The following STK31 variants were observed in gnomAD, a reference collection of about 807,000 sequenced individuals.
The protein encoded by STK31 is serine/threonine kinase 31, also known as serine/threonine-protein kinase 31.
In STK31, 89 loss-of-function variants were observed where a neutral mutation model predicts 129.7. That is an observed-to-expected ratio of 0.69 (90% CI 0.58 to 0.82). The LOEUF is 0.82. Among genes scored for constraint, STK31 ranks in the 40% least tolerant of loss-of-function variants. The pLI is 0.00. For missense variants in STK31, 1,187 were observed against 1,176.4 expected (o/e 1.01, Z -0.13); for synonymous variants, 448 against 395.3 (o/e 1.13, Z -1.58).
chr7:23,786,556 G>T lies in STK31; in HGVS notation c.2323G>T (p.Ala775Ser). ...DTEAKVIERAATYHRAWREAE... is the reference protein window; with the variant it reads ...DTEAKVIERASTYHRAWREAE... Reference sequence around the variant, plus strand: ...AGAAGCCAAGGTGATTGAGAGAGCAGCCACCTACCATAGAGCTTGGAGAGA... The same window carrying T: ...AGAAGCCAAGGTGATTGAGAGAGCATCCACCTACCATAGAGCTTGGAGAGA... The change falls in exon 19 of 24, where the codon GCC (alanine) becomes TCC (serine). Residue 775 changes from alanine to serine, a missense_variant. By Grantham distance (99) the Ala-to-Ser change is moderately conservative (BLOSUM62 1). Coordinates refer to ENST00000355870, the MANE Select transcript of STK31 (RefSeq NM_031414.5). 1.2e-6 allele frequency: 2 copies of T among 1,613,784 alleles called. No individual in the cohort carries two copies. The highest frequency in any genetic ancestry group is 1.7e-6 in the Non-Finnish European group (2 of 1,179,816).
At chr7:23,831,013 A>G (rs113833068) in intron 23 of STK31, among the ~76,000 whole-genome samples, 1 of 152,170 alleles carries the variant, frequency 6.6e-6, no homozygotes, top group Non-Finnish European at 1.5e-5. Context: ...TTTTAATTTT[A>G]AAACATTTTT....
At chr7:23,753,153 A>G (rs1156641356) in intron 9 of STK31, among the ~76,000 whole-genome samples, 2 of 152,214 alleles carry the variant, frequency 1.3e-5, no homozygotes, top group African/African-American at 4.8e-5. Context: ...TTTCAGGAGT[A>G]CAGCATGTCC....
At chr7:23,814,280 A>G (rs1452577601) in intron 22 of STK31, among the ~76,000 whole-genome samples, 1 of 148,076 alleles carries the variant, frequency 6.8e-6, no homozygotes, top group Non-Finnish European at 1.5e-5. Flanking sequence ...GTTATATTTT[A>G]TGGTATTTTC....
At chr7:23,762,526 T>C (rs3801898) in intron 10 of STK31, among the ~76,000 whole-genome samples, 16,198 of 152,164 alleles carry the variant, frequency 0.11, 1,074 homozygotes, top group East Asian at 0.22. Flanking sequence ...TAGGAACTTA[T>C]ATAATTTTCT....
chr7:23,809,741 C>T (rs561931394), intron 22 of STK31, among the ~76,000 whole-genome samples: 3 of 152,258 alleles, frequency 2.0e-5, no homozygotes, highest in Admixed American at 6.5e-5. Flanking sequence ...CTATCTTTGC[C>T]TCCTATTTCA....
chr7:23,721,697 C>G, intron 4 of STK31: 1 of 795,484 alleles, frequency 1.3e-6, no homozygotes. Flanking sequence ...ATCTGGTTTA[C>G]CATTATCATT....
chr7:23,806,901 G>GA (rs34751124), intron 22 of STK31, among the ~76,000 whole-genome samples: 12,596 of 75,882 alleles, frequency 0.17, 1,020 homozygotes, highest in Non-Finnish European at 0.22. Flanking sequence ...CTCCGTCTCA[G>GA]AAAAAAAAAA....
rs151177741 is a variant in STK31, at chr7:23,735,252, T to C, written c.484-286T>C. ...GTTGGGGCCAAAGTAATCAATGTAA[T>C]CTGCTGGGTTAAAAAAAACTATTCT... On this transcript the variant is annotated intron_variant, in intron 6 of 23. Transcript: ENST00000355870. Among the ~76,000 whole-genome samples, 1,118 of 152,318 alleles carry C rather than the reference T, an allele frequency of 7.3e-3. 2 individuals carry two copies. Among genetic ancestry groups the C allele is most frequent in the South Asian group, 0.013 (63 of 4,820 alleles).
chr7:23,760,436 C>T (rs374131969), intron 10 of STK31, among the ~76,000 whole-genome samples: 6 of 152,186 alleles, frequency 3.9e-5, no homozygotes, highest in Non-Finnish European at 7.4e-5. Context: ...GGTTATTTTA[C>T]GTATTAGATT....
intron 10 of STK31, among the ~76,000 whole-genome samples, chr7:23,756,363 C>T (rs1312762519): frequency 6.6e-6 from 1 of 152,174 alleles, no homozygotes; most frequent in South Asian, 2.1e-4. Flanking sequence ...TGAGACTTTG[C>T]TGCAGTTGCC....
Position 23,729,090 on chromosome 7 carries a change from G to GT in STK31, c.325dup (p.Cys109LeufsTer7). On this transcript the variant is annotated frameshift_variant and splice_region_variant. Coordinates refer to ENST00000355870, the MANE Select transcript of STK31 (RefSeq NM_031414.5). LOFTEE classifies it high-confidence loss of function. ...TCGTATTTGTCTCTTATTTTTTCCA[G>GT]TGTCTGGTGAGGTACATTGACTATG... 1 of 1,584,210 alleles carries GT rather than the reference G, an allele frequency of 6.3e-7. No homozygotes were observed. The highest frequency in any genetic ancestry group is 1.2e-5 in the South Asian group (1 of 85,438).
intron 4 of STK31, among the ~76,000 whole-genome samples, chr7:23,723,393 C>T (rs534142830): frequency 6.6e-6 from 1 of 152,064 alleles, no homozygotes; most frequent in South Asian, 2.1e-4. Context: ...TTGGAGCCAA[C>T]TCATTCCTCA....
In STK31 at chr7:23,727,329, T is replaced by A. The variant is rs1190235128; in HGVS notation, c.324+14T>A. 1 of 1,612,106 alleles carries A rather than the reference T, an allele frequency of 6.2e-7. No homozygotes were observed. The highest frequency in any genetic ancestry group is 1.7e-5 in the Admixed American group (1 of 59,870). Reference sequence around the variant, plus strand: ...AGCGTTGAAAAGGCAGGAAATTAAGTGTTCAGTTTTTTTTTGCTTTAAGAA... The same window carrying A: ...AGCGTTGAAAAGGCAGGAAATTAAGAGTTCAGTTTTTTTTTGCTTTAAGAA... On this transcript the variant is annotated intron_variant, in intron 5 of 23. Transcript: ENST00000355870.
chr7:23,726,512 G>T lies in STK31; in HGVS notation c.250-729G>T, dbSNP rs190338927. On this transcript the variant is annotated intron_variant, in intron 4 of 23. Transcript: ENST00000355870. ...GTGCCCATGTTCCCAGCTACCGTGG[G>T]GACTGAGGTGGGAGGATCACTTGAG... 231 of 150,884 alleles carry T rather than the reference G, an allele frequency of 1.5e-3. 2 individuals are homozygous for T. Among genetic ancestry groups the T allele is most frequent in the South Asian group, 8.0e-3 (38 of 4,732 alleles). 9.3% of individuals were successfully genotyped at this position (150,884 alleles called of 1,614,324 possible).
At chr7:23,782,490 AAAG>A (rs1790998499) in intron 16 of STK31, among the ~76,000 whole-genome samples, 1 of 150,824 alleles carries the variant, frequency 6.6e-6, no homozygotes, top group African/African-American at 2.4e-5. Context: ...AAAAAAAAAA[AAAG>A]AAAAGAAAAG....
chr7:23,753,976 G>T (rs1788890087), intron 9 of STK31, among the ~76,000 whole-genome samples: 2 of 151,950 alleles, frequency 1.3e-5, no homozygotes, highest in Admixed American at 1.3e-4. Flanking sequence ...AAAATTGAAG[G>T]TTCATTTGAT....
intron 8 of STK31, 78 bp from the exon 9 acceptor site, chr7:23,752,639 C>A (rs1562572349): frequency 9.8e-6 from 11 of 1,123,662 alleles, no homozygotes; most frequent in Non-Finnish European, 1.5e-5. Context: ...CTGTGCCCAG[C>A]CAAAAATTAT....
chr7:23,785,016 A>G (rs1270887406), intron 17 of STK31, among the ~76,000 whole-genome samples: 1 of 152,054 alleles, frequency 6.6e-6, no homozygotes, highest in Non-Finnish European at 1.5e-5. Flanking sequence ...TTTTTGGGGT[A>G]CAGGTGTTTT....
chr7:23,796,237 A>G (rs952544385), intron 22 of STK31, among the ~76,000 whole-genome samples: 11 of 152,154 alleles, frequency 7.2e-5, no homozygotes, highest in Non-Finnish European at 1.5e-5. Flanking sequence ...CTGCATGTAT[A>G]TTTAAAGTTG....
Sources: allele counts gnomAD v4.1 joint callset (sites outside exome capture counted in the v4.1 genomes callset), GRCh38; gene constraint gnomAD v4.1.1; transcripts MANE v1.5; gene names NCBI Gene and HGNC (gene_info 2026-07-23, HGNC 2026-07-21).